The following GABRR3 variants were observed in gnomAD, a reference collection of about 807,000 sequenced individuals.
GABRR3 encodes gamma-aminobutyric acid receptor subunit rho-3.
GABRR3 carries 29 observed loss-of-function variants against 43.2 expected under a neutral mutation model. The ratio of observed to expected loss-of-function variants is 0.67; its 90% CI spans 0.50 to 0.92. The LOEUF is 0.92. Ranked by LOEUF, GABRR3 falls within the 40% of genes least tolerant of loss-of-function variation. The pLI is 0.00. For synonymous variants in GABRR3, 206 were observed against 195.9 expected (o/e 1.05, Z -0.43); for missense variants, 576 against 572.3 (o/e 1.01, Z -0.07).
intron 3 of GABRR3, among the ~76,000 whole-genome samples, chr3:98,020,770 A>C (rs1239816909): frequency 6.6e-6 from 1 of 152,090 alleles, no homozygotes; most frequent in Non-Finnish European, 1.5e-5. Context: ...TTCGTCCTCC[A>C]GATTTATACT....
intron 2 of GABRR3, among the ~76,000 whole-genome samples, chr3:98,030,670 T>A (rs1707076063): frequency 6.6e-6 from 1 of 152,174 alleles, no homozygotes; most frequent in African/African-American, 2.4e-5. Context: ...AATAAGAATC[T>A]GGTCAAAACT....
At chr3:98,012,428 G>T (rs1291665915) in exon 5 of GABRR3, 1 of 1,613,920 alleles carries the variant, frequency 6.2e-7, no homozygotes, top group Non-Finnish European at 8.5e-7. Context: ...GGATCTTTTA[G>T]AGTGGACAAA....
intron 2 of GABRR3, among the ~76,000 whole-genome samples, chr3:98,029,468 T>C (rs949398185): frequency 3.2e-4 from 49 of 152,154 alleles, no homozygotes; most frequent in African/African-American, 1.2e-3. Flanking sequence ...CTAGAACTGA[T>C]TGAGGAAAAG....
chr3:98,023,327 ATTAG>A (rs1706974977), intron 3 of GABRR3, among the ~76,000 whole-genome samples: 10 of 152,162 alleles, frequency 6.6e-5, no homozygotes, highest in Non-Finnish European at 1.2e-4. Flanking sequence ...CCTGACATGA[ATTAG>A]GGCAGGTTTT....
intron 9 of GABRR3, among the ~76,000 whole-genome samples, chr3:97,990,451 C>T (rs1037560368): frequency 1.1e-4 from 16 of 152,084 alleles, no homozygotes; most frequent in Middle Eastern, 3.4e-3. Flanking sequence ...CAGGTCCAAG[C>T]AATTCTCCTG....
chr3:98,028,000 T>C (rs2107251007), intron 2 of GABRR3, among the ~76,000 whole-genome samples: 1 of 152,240 alleles, frequency 6.6e-6, no homozygotes, highest in Middle Eastern at 3.4e-3. Flanking sequence ...TATCACTCCA[T>C]CATGTACCTT....
intron 2 of GABRR3, among the ~76,000 whole-genome samples, chr3:98,027,251 C>T (rs369017676): frequency 1.3e-3 from 198 of 152,172 alleles, no homozygotes; most frequent in African/African-American, 4.6e-3. Context: ...CTGTTTGGGC[C>T]CTATGCCTAG....
chr3:98,030,115 A>G (rs76332778), intron 2 of GABRR3, among the ~76,000 whole-genome samples: 1 of 26,388 alleles, frequency 3.8e-5, no homozygotes, highest in Non-Finnish European at 1.1e-4. Flanking sequence ...ACTGTCTTGG[A>G]AAAAAAAAAA....
chr3:98,000,982 T>A (rs1706632065), intron 8 of GABRR3: 1 of 152,470 alleles, frequency 6.6e-6, no homozygotes, highest in African/African-American at 2.4e-5. Flanking sequence ...ACGGTGTAGA[T>A]AATCAACCCT....
At chr3:98,002,921 C>T (rs1313286722) in intron 7 of GABRR3, among the ~76,000 whole-genome samples, 1 of 152,006 alleles carries the variant, frequency 6.6e-6, no homozygotes, top group South Asian at 2.1e-4. Context: ...GGCATTTGGC[C>T]TAAGAAATAC....
At chr3:97,997,844 G>A in intron 8 of GABRR3, 1 of 152,148 alleles carries the variant, frequency 6.6e-6, no homozygotes, top group Non-Finnish European at 1.5e-5. Context: ...GTACAAAAAG[G>A]ACATGTCTTC....
At position 98,000,122 on chromosome 3, in the gene GABRR3, A is replaced by G. The variant is rs1706618040; in HGVS notation, c.907+1493T>C. The G allele has an allele frequency of 2.6e-5, 4 of 152,200 alleles. No homozygotes were observed. The South Asian group carries it at 8.3e-4, about 32-fold the overall frequency. The allele number at this position is 152,200 out of a possible 1,614,324, so 9.4% of individuals were successfully genotyped here. On this transcript the variant is annotated intron_variant, in intron 8 of 9. Coordinates refer to ENST00000621172, the Ensembl canonical transcript of GABRR3. ...TAAAATAATTTTTTTAAAAAGTGGG[A>G]GAGGGACACTTCTGATTTGCATGCA...
chr3:98,022,099 T>TTTTTTA (rs1215271971), intron 3 of GABRR3, among the ~76,000 whole-genome samples: 6 of 152,196 alleles, frequency 3.9e-5, no homozygotes, highest in Non-Finnish European at 8.8e-5. Context: ...TTTTATAACT[T>TTTTTTA]TAGCTTTTGT....
intron 9 of GABRR3, among the ~76,000 whole-genome samples, chr3:97,989,660 A>C (rs1006186150): frequency 2.6e-5 from 4 of 151,938 alleles, no homozygotes; most frequent in African/African-American, 4.8e-5. Flanking sequence ...GCAGTCTGGG[A>C]GAAGAAACTG....
At chr3:97,994,138 AACAG>A (rs888723889) in intron 8 of GABRR3, among the ~76,000 whole-genome samples, 1 of 152,228 alleles carries the variant, frequency 6.6e-6, no homozygotes, top group Non-Finnish European at 1.5e-5. Flanking sequence ...TTGTAATGTC[AACAG>A]ACAGAGTCTC....
intron 5 of GABRR3, among the ~76,000 whole-genome samples, chr3:98,010,603 C>T (rs77923672): frequency 0.013 from 1,953 of 152,272 alleles, 42 homozygotes; most frequent in African/African-American, 0.045. Flanking sequence ...TAGAGGTTAC[C>T]CTGCAAGAGC....
intron 3 of GABRR3, among the ~76,000 whole-genome samples, chr3:98,020,784 TC>T (rs1251677218): frequency 2.6e-5 from 4 of 152,116 alleles, no homozygotes; most frequent in Admixed American, 2.6e-4. Flanking sequence ...TTATACTGGT[TC>T]TGGTGGGGAT....
intron 5 of GABRR3, among the ~76,000 whole-genome samples, 176 bp from the exon 6 acceptor site, chr3:98,009,214 G>T (rs1706759001): frequency 6.6e-6 from 1 of 152,156 alleles, no homozygotes; most frequent in African/African-American, 2.4e-5. Context: ...ACTCAGGAGG[G>T]TAGATGATTT....
intron 2 of GABRR3, among the ~76,000 whole-genome samples, chr3:98,030,555 T>C (rs539758652): frequency 6.6e-6 from 1 of 152,336 alleles, no homozygotes; most frequent in South Asian, 2.1e-4. Flanking sequence ...AAAGCATAAC[T>C]GGATTCTAGG....
Sources: gnomAD v4.1 joint callset for allele counts (sites outside exome capture counted in the v4.1 genomes callset) on GRCh38, gnomAD v4.1.1 for gene constraint, MANE v1.5 for transcripts, NCBI Gene and HGNC (gene_info 2026-07-23, HGNC 2026-07-21) for gene names.